The following MKLN1 variants were observed in gnomAD, a reference collection of about 807,000 sequenced individuals.
MKLN1 encodes muskelin.
In MKLN1, 18 loss-of-function variants were observed where a neutral mutation model predicts 99.0. That is an observed-to-expected ratio of 0.18 (90% CI 0.13 to 0.27). MKLN1 has a LOEUF of 0.27. MKLN1 is among the 10% of genes least tolerant of loss of function. The pLI is 1.00. For missense variants in MKLN1, 621 were observed against 875.9 expected (o/e 0.71, Z 3.67); for synonymous variants, 288 against 293.2 (o/e 0.98, Z 0.18).
chr7:131,305,791 A>G (rs1798455538), intron 3 of MKLN1, among the ~76,000 whole-genome samples: 1 of 152,166 alleles, frequency 6.6e-6, no homozygotes, highest in Non-Finnish European at 1.5e-5. Context: ...CAGCCTTTCC[A>G]TAAATATATG....
intron 3 of MKLN1, among the ~76,000 whole-genome samples, chr7:131,257,320 T>C (rs1404654432): frequency 6.6e-6 from 1 of 152,210 alleles, no homozygotes; most frequent in African/African-American, 2.4e-5. Context: ...ACAAGTGTGA[T>C]AAATTAACAT....
intron 3 of MKLN1, among the ~76,000 whole-genome samples, chr7:131,244,686 A>G (rs1797458742): frequency 6.6e-6 from 1 of 152,182 alleles, no homozygotes; most frequent in African/African-American, 2.4e-5. Context: ...GGTGATGACG[A>G]TGATGACGAT....
At chr7:131,159,389 T>C (rs1417383206) in intron 2 of MKLN1, among the ~76,000 whole-genome samples, 1 of 152,112 alleles carries the variant, frequency 6.6e-6, no homozygotes, top group Non-Finnish European at 1.5e-5. Context: ...ATTCAGCCAT[T>C]TAAAAAATGA....
At chr7:131,466,891 A>G (rs1013478558) in intron 15 of MKLN1, among the ~76,000 whole-genome samples, 4 of 150,470 alleles carry the variant, frequency 2.7e-5, no homozygotes, top group Admixed American at 2.0e-4. Flanking sequence ...AAACATTTTC[A>G]TATATATACA....
intron 1 of MKLN1, among the ~76,000 whole-genome samples, chr7:131,122,416 A>G (rs1795386925): frequency 6.6e-6 from 1 of 152,202 alleles, no homozygotes; most frequent in African/African-American, 2.4e-5. Flanking sequence ...TTCAGAAAAC[A>G]TTTTGAGAAG....
chr7:131,225,158 G>A (rs772445490), intron 3 of MKLN1, among the ~76,000 whole-genome samples: 1 of 152,100 alleles, frequency 6.6e-6, no homozygotes, highest in Non-Finnish European at 1.5e-5. Context: ...ACCATAGACT[G>A]GATGGCTCAT....
chr7:131,374,394 A>G (rs946670607), intron 1 of MKLN1, among the ~76,000 whole-genome samples: 3 of 152,106 alleles, frequency 2.0e-5, no homozygotes, highest in African/African-American at 7.2e-5. Flanking sequence ...AATTATTTAT[A>G]TTATATTACG....
intron 3 of MKLN1, among the ~76,000 whole-genome samples, chr7:131,254,104 C>T (rs1007959395): frequency 1.1e-4 from 16 of 152,114 alleles, no homozygotes; most frequent in Non-Finnish European, 5.9e-5. Flanking sequence ...AGGCAGAGAA[C>T]GTAACAGAGA....
intron 9 of MKLN1, among the ~76,000 whole-genome samples, chr7:131,433,599 A>G (rs908199268): frequency 1.4e-4 from 21 of 152,136 alleles, no homozygotes; most frequent in Non-Finnish European, 2.5e-4. Flanking sequence ...GTTACTCCCT[A>G]TCTTCTTGGC....
chr7:131,330,392 A>G (rs903798466), intron 1 of MKLN1, among the ~76,000 whole-genome samples: 1 of 152,262 alleles, frequency 6.6e-6, no homozygotes, highest in African/African-American at 2.4e-5. Context: ...GTAAACATTT[A>G]TGATGTGCCG....
intron 1 of MKLN1, among the ~76,000 whole-genome samples, chr7:131,333,649 A>G (rs1159853246): frequency 1.3e-5 from 2 of 150,700 alleles, no homozygotes; most frequent in African/African-American, 2.4e-5. Context: ...CGATTCTCCT[A>G]CCTCAGCCTC....
At chr7:131,122,344 T>A (rs1795385841) in intron 1 of MKLN1, among the ~76,000 whole-genome samples, 1 of 152,246 alleles carries the variant, frequency 6.6e-6, no homozygotes, top group South Asian at 2.1e-4. Flanking sequence ...CCCTGTGTTT[T>A]ACTCTTGAGC....
At chr7:131,347,777 C>G (rs906270813) in intron 1 of MKLN1, among the ~76,000 whole-genome samples, 4 of 152,078 alleles carry the variant, frequency 2.6e-5, no homozygotes, top group African/African-American at 7.2e-5. Flanking sequence ...TTTGGTTAAT[C>G]TGATGCCTAT....
chr7:131,305,412 T>A (rs1486210495), intron 3 of MKLN1, among the ~76,000 whole-genome samples: 1 of 152,226 alleles, frequency 6.6e-6, no homozygotes, highest in Non-Finnish European at 1.5e-5. Flanking sequence ...AGCAACTTAT[T>A]TGGGAAGAAA....
At chr7:131,347,671 C>G (rs1336388826) in intron 1 of MKLN1, among the ~76,000 whole-genome samples, 1 of 152,054 alleles carries the variant, frequency 6.6e-6, no homozygotes, top group Admixed American at 6.5e-5. Flanking sequence ...CCATAATTGG[C>G]TCGTTTACTT....
intron 4 of MKLN1, among the ~76,000 whole-genome samples, chr7:131,393,605 A>G (rs1166748750): frequency 1.3e-5 from 2 of 151,648 alleles, no homozygotes; most frequent in East Asian, 1.9e-4. Flanking sequence ...CAAGTGTTTT[A>G]AAAGGTTTTT....
At chr7:131,247,460 T>C (rs1165425337) in intron 3 of MKLN1, among the ~76,000 whole-genome samples, 1 of 152,028 alleles carries the variant, frequency 6.6e-6, no homozygotes, top group African/African-American at 2.4e-5. Context: ...GTGATCTGCC[T>C]GCCTGGGCTT....
At chr7:131,376,459 TG>T (rs1390212146) in intron 2 of MKLN1, among the ~76,000 whole-genome samples, 1 of 150,486 alleles carries the variant, frequency 6.6e-6, no homozygotes, top group Non-Finnish European at 1.5e-5. Flanking sequence ...CTGGCCAACA[TG>T]GTAAAACCTT....
intron 1 of MKLN1, among the ~76,000 whole-genome samples, chr7:131,350,547 A>G (rs1244276833): frequency 6.6e-6 from 1 of 152,228 alleles, no homozygotes; most frequent in African/African-American, 2.4e-5. Context: ...GAGTGGGGAA[A>G]GATCTGCCTC....
Sources: gnomAD v4.1 joint callset for allele counts (sites outside exome capture counted in the v4.1 genomes callset) on GRCh38, gnomAD v4.1.1 for gene constraint, MANE v1.5 for transcripts, NCBI Gene and HGNC (gene_info 2026-07-23, HGNC 2026-07-21) for gene names.